Variants in LPIN3 observed in about 807,000 individuals in gnomAD.
The protein encoded by LPIN3 is lipin 3, also known as phosphatidate phosphatase LPIN3.
A neutral mutation model predicts 94.7 loss-of-function variants in LPIN3; 82 were observed. That is an observed-to-expected ratio of 0.87 (90% CI 0.72 to 1.04). The LOEUF (loss-of-function observed/expected upper bound fraction) is 1.04, where lower values mean the gene tolerates loss of function less well. LPIN3 is among the 50% of genes least tolerant of loss of function. LPIN3 has a pLI of 0.00. For missense variants in LPIN3, 996 were observed against 1,090.5 expected (o/e 0.91, Z 1.22); for synonymous variants, 418 against 443.3 (o/e 0.94, Z 0.72).
chr20:41,342,887 G>A (rs1190627179), intron 1 of LPIN3, among the ~76,000 whole-genome samples: 1 of 152,222 alleles, frequency 6.6e-6, no homozygotes, highest in Non-Finnish European at 1.5e-5. Context: ...ACTGAGGCCA[G>A]CCAGTTACTT....
rs1220422478 is a variant in LPIN3 at position 41,340,827 on chromosome 20, G to A, written c.-184G>A. 1 of 152,350 alleles carries A rather than the reference G, an allele frequency of 6.6e-6. No individual in the cohort carries two copies. The highest frequency in any genetic ancestry group is 2.4e-5 in the African/African-American group (1 of 41,458). 9.4% of individuals were successfully genotyped at this position (152,350 alleles called of 1,614,324 possible). A position where few individuals can be genotyped will look rare whatever the true frequency, so the allele number is the denominator to read the frequency against. On this transcript the variant is annotated 5_prime_UTR_variant, in exon 1 of 20. Transcript: ENST00000373257. ...CAGGGAGTGGAGCCTGGGCAGATTG[G>A]GGCCTGTGGAGGCCGCACTAGGATC...
chr20:41,347,192 T>C (rs2045810653), intron 2 of LPIN3, among the ~76,000 whole-genome samples: 1 of 152,130 alleles, frequency 6.6e-6, no homozygotes, highest in Non-Finnish European at 1.5e-5. Flanking sequence ...GACACAGCGA[T>C]CACAAGAGAG....
At chr20:41,354,498 C>A in intron 11 of LPIN3, 147 bp from the exon 12 acceptor site, 1 of 625,146 alleles carries the variant, frequency 1.6e-6, no homozygotes, top group Non-Finnish European at 2.6e-6. Flanking sequence ...GAGGTGAGCA[C>A]ACTTCCTTGG....
chr20:41,341,753 G>A (rs181624141), intron 1 of LPIN3, among the ~76,000 whole-genome samples: 33 of 152,266 alleles, frequency 2.2e-4, no homozygotes, highest in Admixed American at 1.9e-3. Context: ...AGACTGAGGC[G>A]GGTGGATCAT....
intron 14 of LPIN3, among the ~76,000 whole-genome samples, chr20:41,356,833 G>A (rs2046224191): frequency 6.6e-6 from 1 of 152,174 alleles, no homozygotes; most frequent in Non-Finnish European, 1.5e-5. Context: ...GCCTGCACTG[G>A]ACAGGGCCCT....
At chr20:41,342,917 C>G (rs2045638294) in intron 1 of LPIN3, among the ~76,000 whole-genome samples, 1 of 152,184 alleles carries the variant, frequency 6.6e-6, no homozygotes, top group African/African-American at 2.4e-5. Context: ...TACTCCAGGG[C>G]TGGATCCGAG....
intron 10 of LPIN3, 43 bp from the exon 11 acceptor site, chr20:41,352,755 C>G (rs2046071992): frequency 6.2e-7 from 1 of 1,612,332 alleles, no homozygotes; most frequent in African/African-American, 1.3e-5. Flanking sequence ...CTCTTCACAA[C>G]CCTGCAGCTG....
intron 1 of LPIN3, among the ~76,000 whole-genome samples, chr20:41,341,219 G>A (rs1200394705): frequency 2.0e-5 from 3 of 152,324 alleles, no homozygotes; most frequent in Middle Eastern, 3.4e-3. Context: ...GTAGAGTCTG[G>A]AGAGGAGACG....
At position 41,349,186 on chromosome 20, in the gene LPIN3, T is replaced by C. The variant is rs2045907029; in HGVS notation, c.638+14T>C. ...CCCCCAGGCCAGGTAAGAGTCCAGG[T>C]GGGCTGCAGGCCAGGACTCCAGATC... On this transcript the variant is annotated intron_variant, in intron 5 of 19. Transcript: ENST00000373257. 6.2e-7 allele frequency: 1 copy of C among 1,612,490 alleles called. No homozygotes were observed. Among genetic ancestry groups the C allele is most frequent in the Non-Finnish European group, 8.5e-7 (1 of 1,178,882 alleles).
In LPIN3 at chr20:41,349,857, A is replaced by G. The variant is rs767034959; in HGVS notation, c.722A>G (p.Glu241Gly). ...RTPEPSPLRAESHMQWAWGRL... is the reference protein window; with the variant it reads ...RTPEPSPLRAGSHMQWAWGRL... ...CCGGAGCCCAGTCCCCTAAGAGCCG[A>G]GTCCCACATGCAGTGGGCCTGGGGG... Residue 241 changes from glutamate (E) to glycine (G), a missense_variant, in exon 6 of 20, where the codon GAG becomes GGG. Glu to Gly is a moderately conservative substitution (Grantham distance 98). Coordinates refer to ENST00000373257, the MANE Select transcript of LPIN3 (RefSeq NM_022896.3). 6.2e-7 allele frequency: 1 copy of G among 1,613,576 alleles called. No individual in the cohort carries two copies. Among genetic ancestry groups the G allele is most frequent in the Admixed American group, 1.7e-5 (1 of 60,018 alleles).
chr20:41,348,179 T>G (rs528712611), intron 3 of LPIN3, among the ~76,000 whole-genome samples: 7 of 152,256 alleles, frequency 4.6e-5, no homozygotes, highest in African/African-American at 1.4e-4. Flanking sequence ...AGATGACGGG[T>G]GACCCCTGCC....
intron 1 of LPIN3, among the ~76,000 whole-genome samples, chr20:41,344,419 T>G (rs542959054): frequency 9.8e-4 from 149 of 152,358 alleles, no homozygotes; most frequent in African/African-American, 3.4e-3. Context: ...TCACTTAACC[T>G]TGGGTAAGTC....
At chr20:41,343,993 T>C (rs1600706775) in intron 1 of LPIN3, among the ~76,000 whole-genome samples, 1 of 151,596 alleles carries the variant, frequency 6.6e-6, no homozygotes, top group African/African-American at 2.4e-5. Context: ...GCCTGGGAGG[T>C]TGAGGCCGCA....
At chr20:41,351,408 T>A (rs2046008793) in intron 7 of LPIN3, among the ~76,000 whole-genome samples, 1 of 151,054 alleles carries the variant, frequency 6.6e-6, no homozygotes, top group African/African-American at 2.4e-5. Flanking sequence ...GTGATTCTCC[T>A]TCCTCAGCCT....
At position 41,349,173 on chromosome 20, in the gene LPIN3, G is replaced by A. The variant is rs754004383; in HGVS notation, c.638+1G>A. ...ATGGCGAGTGGCCCCCCCAGGCCAG[G>A]TAAGAGTCCAGGTGGGCTGCAGGCC... On this transcript the variant is annotated splice_donor_variant, in intron 5 of 19. Coordinates refer to ENST00000373257, the MANE Select transcript of LPIN3 (RefSeq NM_022896.3). LOFTEE classifies it high-confidence loss of function. The A allele has an allele frequency of 1.2e-6, 2 of 1,614,018 alleles. No individual in the cohort carries two copies. Among genetic ancestry groups the A allele is most frequent in the Admixed American group, 3.3e-5 (2 of 60,010 alleles).
chr20:41,359,013 C>T lies in LPIN3; in HGVS notation c.*147C>T, dbSNP rs2046314788. 1 of 931,436 alleles carries T rather than the reference C, an allele frequency of 1.1e-6. No homozygotes were observed. Among genetic ancestry groups the T allele is most frequent in the African/African-American group, 1.7e-5 (1 of 60,582 alleles). 57.7% of individuals were successfully genotyped at this position (931,436 alleles called of 1,614,324 possible). ...GCAGGTTGGTTGGCAGCTAGAGAGA[C>T]TCCCCCATCTTCCCCGTCATATTTT... On this transcript the variant is annotated 3_prime_UTR_variant, in exon 20 of 20. Transcript: ENST00000373257.
At chr20:41,352,506 C>CTGGTGGT in intron 9 of LPIN3, 100 bp from the exon 10 acceptor site, 1 of 1,096,982 alleles carries the variant, frequency 9.1e-7, no homozygotes, top group East Asian at 2.4e-5. Context: ...CAAAGCCAAC[C>CTGGTGGT]GACAGGAGGT....
rs1012674718 is a variant in LPIN3 at position 41,350,211 on chromosome 20, G to A, written c.916G>A (p.Asp306Asn). ...LPIQQTEAGADLQPDTEDPTL... is the reference protein window; with the variant it reads ...LPIQQTEAGANLQPDTEDPTL... The stretch of plus-strand genomic sequence containing the variant: ...AATCCAGCAAACAGAGGCTGGTGCC[G>A]ACCTTCAGCCTGACACAGAGGATCC... Residue 306 changes from aspartate to asparagine, a missense_variant, in exon 7 of 20, where the codon GAC becomes AAC. Physicochemically the swap from Asp to Asn is conservative, Grantham distance 23 (BLOSUM62 1). Coordinates refer to ENST00000373257, the MANE Select transcript of LPIN3 (RefSeq NM_022896.3). 1.9e-5 allele frequency: 31 copies of A among 1,613,402 alleles called. No homozygotes were observed. Among genetic ancestry groups the A allele is most frequent in the African/African-American group, 1.2e-4 (9 of 74,916 alleles).
At position 41,352,175 on chromosome 20, in the gene LPIN3, C is replaced by T. The variant is rs571923196; in HGVS notation, c.1318C>T (p.Leu440=). The change falls in exon 9 of 20, where the codon CTG becomes TTG. Residue 440 remains leucine, a synonymous_variant. Coordinates refer to ENST00000373257, the MANE Select transcript of LPIN3 (RefSeq NM_022896.3). ...TCTGGACACAGTGGATACAATAGCA[C>T]TGTCCCTCTGTGGTGGACTGGCTGA... ...PTLDTVDTIA[L]SLCGGLADSR... 11 of 1,614,248 alleles carry T rather than the reference C, an allele frequency of 6.8e-6. No individual in the cohort carries two copies. Among genetic ancestry groups the T allele is most frequent in the Middle Eastern group, 1.6e-4 (1 of 6,062 alleles).
Sources: allele counts gnomAD v4.1 joint callset (sites outside exome capture counted in the v4.1 genomes callset), GRCh38; gene constraint gnomAD v4.1.1; transcripts MANE v1.5; gene names NCBI Gene and HGNC (gene_info 2026-07-23, HGNC 2026-07-21).